The following SLC16A9 variants were observed in gnomAD, a reference collection of about 807,000 sequenced individuals.
SLC16A9 encodes the protein solute carrier family 16 member 9, also known as monocarboxylate transporter 9.
A neutral mutation model predicts 44.3 loss-of-function variants in SLC16A9; 26 were observed. The observed-to-expected ratio is 0.59, with a 90% CI of 0.43 to 0.81. SLC16A9 has a LOEUF of 0.81. Among genes scored for constraint, SLC16A9 ranks in the 40% least tolerant of loss-of-function variants. SLC16A9 has a pLI of 0.00. For synonymous variants in SLC16A9, 230 were observed against 225.1 expected (o/e 1.02, Z -0.19); for missense variants, 559 against 595.8 (o/e 0.94, Z 0.64).
chr10:59,709,101 A>T (rs1840707406), intron 1 of SLC16A9, among the ~76,000 whole-genome samples: 1 of 152,100 alleles, frequency 6.6e-6, no homozygotes, highest in Non-Finnish European at 1.5e-5. Context: ...CACCTGCATC[A>T]CATGCACCTC....
chr10:59,653,734 G>A lies in SLC16A9; in HGVS notation c.1292C>T (p.Ala431Val). 1 of 1,613,956 alleles carries A rather than the reference G, an allele frequency of 6.2e-7. No homozygotes were observed. Among genetic ancestry groups the A allele is most frequent in the Non-Finnish European group, 8.5e-7 (1 of 1,179,956 alleles). ...KTVGIEKLAH[A>V]YGILMFFAGL... ...AGCAAAGAACATTAATATCCCATAG[G>A]CATGGGCTAATTTTTCAATTCCCAC... The change falls in exon 5 of 6, where the codon GCC becomes GTC. Residue 431 changes from alanine to valine, a missense_variant. Coordinates refer to ENST00000395348, the MANE Select transcript of SLC16A9 (RefSeq NM_194298.3).
intron 2 of SLC16A9, among the ~76,000 whole-genome samples, chr10:59,678,523 C>CTTTTTTTTTTTTT (rs66495364): frequency 1.3e-5 from 1 of 77,222 alleles, no homozygotes; most frequent in Non-Finnish European, 2.6e-5. Context: ...TCCTACCAAT[C>CTTTTTTTTTTTTT]TTTTTTTTTT....
intron 1 of SLC16A9, among the ~76,000 whole-genome samples, chr10:59,700,464 G>A (rs1484265867): frequency 6.6e-6 from 1 of 152,134 alleles, no homozygotes; most frequent in African/African-American, 2.4e-5. Context: ...GCAAAAAAAG[G>A]TGGTAATTCA....
At chr10:59,654,721 G>A (rs1317596099) in intron 4 of SLC16A9, 132 bp from the exon 5 acceptor site, 4 of 700,750 alleles carry the variant, frequency 5.7e-6, no homozygotes, top group African/African-American at 3.6e-5. Flanking sequence ...ATATTAAGAA[G>A]ATAGAAGATA....
At chr10:59,653,094 GAAGAA>G (rs1304701321) in intron 5 of SLC16A9, 144 bp from the exon 6 acceptor site, 1 of 574,920 alleles carries the variant, frequency 1.7e-6, no homozygotes, top group African/African-American at 2.0e-5. Context: ...CTGGGAGTTA[GAAGAA>G]GAGAATCTCT....
Position 59,652,839 on chromosome 10 carries a change from GTAT to G in SLC16A9, c.1460_1462del (p.Asp487_Thr488delinsAla). ...TGGCTTGGGGAGTTGCTTGTTGCAT[GTAT>G]CCCAAGAGGGCAAGGCTGCCAGCAG... On this transcript the variant is annotated inframe_deletion, in exon 6 of 6. Transcript: ENST00000395348. 1.2e-6 allele frequency: 2 copies of G among 1,613,968 alleles called. No individual in the cohort carries two copies. The highest frequency in any genetic ancestry group is 8.5e-7 in the Non-Finnish European group (1 of 1,179,928).
At chr10:59,707,346 G>GGGGAAGGGAA (rs1472653711) in intron 1 of SLC16A9, among the ~76,000 whole-genome samples, 1 of 130,544 alleles carries the variant, frequency 7.7e-6, no homozygotes, top group African/African-American at 3.0e-5. Flanking sequence ...GGGGAAGGGA[G>GGGGAAGGGAA]GGGAAGGGAA....
At chr10:59,706,028 T>C (rs1229131871) in intron 1 of SLC16A9, among the ~76,000 whole-genome samples, 1 of 152,216 alleles carries the variant, frequency 6.6e-6, no homozygotes, top group East Asian at 1.9e-4. Context: ...GCTATTCTCT[T>C]GTTCCAGCAG....
At chr10:59,684,566 A>T (rs1840092308) in intron 1 of SLC16A9, among the ~76,000 whole-genome samples, 1 of 152,146 alleles carries the variant, frequency 6.6e-6, no homozygotes. Context: ...ATAAAGTGAA[A>T]TATAGCCTTC....
At chr10:59,690,059 C>A (rs1171651) in intron 1 of SLC16A9, among the ~76,000 whole-genome samples, 41,608 of 151,966 alleles carry the variant, frequency 0.27, 6,437 homozygotes, top group East Asian at 0.62. Flanking sequence ...TGGTGGCATG[C>A]ACCTGTGGTC....
intron 1 of SLC16A9, among the ~76,000 whole-genome samples, chr10:59,703,462 TTA>T (rs974944630): frequency 2.0e-5 from 3 of 152,176 alleles, no homozygotes; most frequent in Non-Finnish European, 4.4e-5. Context: ...TGTAGATTTT[TTA>T]TAGTCTAGCA....
intron 1 of SLC16A9, among the ~76,000 whole-genome samples, chr10:59,699,580 G>T (rs750121701): frequency 1.2e-4 from 18 of 152,072 alleles, no homozygotes; most frequent in Non-Finnish European, 4.4e-5. Flanking sequence ...AAAGTGAGGG[G>T]AATGACAGTA....
At chr10:59,706,630 T>TACACACACACACAC (rs60450481) in intron 1 of SLC16A9, among the ~76,000 whole-genome samples, 34,483 of 145,796 alleles carry the variant, frequency 0.24, 4,815 homozygotes, top group East Asian at 0.59. Flanking sequence ...AGAAATGTGA[T>TACACACACACACAC]ACACACACAC....
chr10:59,653,709 A>G lies in SLC16A9; in HGVS notation c.1317T>C (p.Ala439=). The G allele has an allele frequency of 1.2e-6, 2 of 1,613,954 alleles. No individual in the cohort carries two copies. Among genetic ancestry groups the G allele is most frequent in the Non-Finnish European group, 1.7e-6 (2 of 1,179,928 alleles). ...AHAYGILMFF[A]GLGNSLGPPI... ...GTGGTCCTAGGCTATTTCCAAGTCC[A>G]GCAAAGAACATTAATATCCCATAGG... Residue 439 remains alanine (A), a synonymous_variant, in exon 5 of 6, where the codon GCT becomes GCC. Coordinates refer to ENST00000395348, the MANE Select transcript of SLC16A9 (RefSeq NM_194298.3).
Position 59,652,851 on chromosome 10 carries a change from G to A in SLC16A9, c.1451C>T (p.Pro484Leu), listed in dbSNP as rs762359278. The A allele has an allele frequency of 6.2e-7, 1 of 1,614,016 alleles. No individual in the cohort carries two copies. Among genetic ancestry groups the A allele is most frequent in the Non-Finnish European group, 8.5e-7 (1 of 1,179,966 alleles). ...TTGCTTGTTGCATGTATCCCAAGAG[G>A]GCAAGGCTGCCAGCAGCAGAATAAA... The part of the protein sequence containing the change: ...GGFILLLAAL[P>L]SWDTCNKQLP... The change falls in exon 6 of 6, where the codon CCC becomes CTC. Residue 484 changes from proline (P) to leucine (L), a missense_variant. Physicochemically the swap from Pro to Leu is moderately conservative, Grantham distance 98 (BLOSUM62 -3). Coordinates refer to ENST00000395348, the MANE Select transcript of SLC16A9 (RefSeq NM_194298.3).
intron 2 of SLC16A9, among the ~76,000 whole-genome samples, chr10:59,673,548 C>A (rs1839797534): frequency 6.6e-6 from 1 of 152,160 alleles, no homozygotes; most frequent in African/African-American, 2.4e-5. Context: ...CTGTTCAAGT[C>A]AATGGTAGAA....
At chr10:59,705,518 A>T (rs1308115749) in intron 1 of SLC16A9, among the ~76,000 whole-genome samples, 2 of 152,312 alleles carry the variant, frequency 1.3e-5, no homozygotes, top group South Asian at 4.1e-4. Flanking sequence ...TTTAATAAAC[A>T]TTAATTATTA....
At chr10:59,685,744 AG>A (rs1289196109) in intron 1 of SLC16A9, among the ~76,000 whole-genome samples, 1 of 152,202 alleles carries the variant, frequency 6.6e-6, no homozygotes, top group Non-Finnish European at 1.5e-5. Flanking sequence ...AAAATCCAAA[AG>A]AGGAATTGCT....
intron 4 of SLC16A9, among the ~76,000 whole-genome samples, chr10:59,660,183 A>C (rs1462022747): frequency 1.3e-5 from 2 of 152,206 alleles, no homozygotes; most frequent in Non-Finnish European, 2.9e-5. Context: ...AGACATGAAA[A>C]ATCCTTCAAA....
Sources: gnomAD v4.1 joint callset for allele counts (sites outside exome capture counted in the v4.1 genomes callset) on GRCh38, gnomAD v4.1.1 for gene constraint, MANE v1.5 for transcripts, NCBI Gene and HGNC (gene_info 2026-07-23, HGNC 2026-07-21) for gene names.